The following SESN1 variants were observed in gnomAD, a reference collection of about 807,000 sequenced individuals.
SESN1 encodes sestrin-1.
In SESN1, 30 loss-of-function variants were observed where a neutral mutation model predicts 59.3. The ratio of observed to expected loss-of-function variants is 0.51; its 90% confidence interval spans 0.38 to 0.69. SESN1 has a LOEUF of 0.69. Among genes scored for constraint, SESN1 ranks in the 30% least tolerant of loss-of-function variants. The pLI, the probability that SESN1 is intolerant of heterozygous loss-of-function variation, is 0.00. For synonymous variants in SESN1, 197 were observed against 219.9 expected (o/e 0.90, Z 0.92); for missense variants, 566 against 673.0 (o/e 0.84, Z 1.76).
chr6:109,047,312 G>C, intron 1 of SESN1, among the ~76,000 whole-genome samples: 1 of 126,402 alleles, frequency 7.9e-6, no homozygotes, highest in Non-Finnish European at 1.7e-5. Flanking sequence ...GAGCCCCTCT[G>C]CCCGGCCAGC....
At chr6:109,083,840 T>G (rs968044171) in intron 1 of SESN1, among the ~76,000 whole-genome samples, 4 of 152,222 alleles carry the variant, frequency 2.6e-5, no homozygotes, top group African/African-American at 9.6e-5. Flanking sequence ...AATGTCTTGC[T>G]GTGTTTAGGC....
At chr6:109,046,437 C>A (rs2114428761) in intron 1 of SESN1, among the ~76,000 whole-genome samples, 1 of 150,262 alleles carries the variant, frequency 6.7e-6, no homozygotes, top group South Asian at 2.1e-4. Context: ...TCACTACAAC[C>A]TACACCTCCC....
chr6:109,090,162 C>T (rs1781287694), intron 1 of SESN1, among the ~76,000 whole-genome samples: 1 of 152,184 alleles, frequency 6.6e-6, no homozygotes, highest in Non-Finnish European at 1.5e-5. Flanking sequence ...CTCACAGCAA[C>T]ATTGTGAGGC....
chr6:108,987,772 G>T, intron 9 of SESN1, 142 bp from the exon 10 acceptor site: 3 of 424,240 alleles, frequency 7.1e-6, no homozygotes, highest in Non-Finnish European at 8.4e-6. Flanking sequence ...TGGGTTTGTT[G>T]AACAGATTAT....
At chr6:109,051,778 A>G (rs551632552) in intron 1 of SESN1, among the ~76,000 whole-genome samples, 20 of 152,330 alleles carry the variant, frequency 1.3e-4, no homozygotes, top group African/African-American at 4.6e-4. Flanking sequence ...TGGAAAGTCC[A>G]GGGTCAAGAT....
At chr6:109,002,369 A>G (rs1697008172) in intron 1 of SESN1, 26 bp from the exon 2 acceptor site, 1 of 1,594,508 alleles carries the variant, frequency 6.3e-7, no homozygotes, top group South Asian at 1.1e-5. Flanking sequence ...ACACCATCTC[A>G]GGCCTTTGGC....
intron 9 of SESN1, 77 bp from the exon 10 acceptor site, chr6:108,987,707 A>ACAT (rs1779237083): frequency 6.5e-6 from 5 of 770,206 alleles, no homozygotes; most frequent in Non-Finnish European, 1.1e-5. Flanking sequence ...TCTAATGAAC[A>ACAT]CATAAAATAA....
At chr6:109,040,402 T>C (rs1780319186) in intron 1 of SESN1, among the ~76,000 whole-genome samples, 1 of 152,192 alleles carries the variant, frequency 6.6e-6, no homozygotes, top group African/African-American at 2.4e-5. Flanking sequence ...ATTTATTGTT[T>C]TGGACTTCTG....
chr6:109,094,623 C>G lies in SESN1; in HGVS notation c.-550G>C, dbSNP rs913842193. The G allele has an allele frequency of 1.3e-5, 2 of 152,348 alleles. No homozygotes were observed. The highest frequency in any genetic ancestry group is 2.9e-5 in the Non-Finnish European group (2 of 68,124). 9.4% of individuals were successfully genotyped at this position (152,348 alleles called of 1,614,324 possible). ...GGAAGGCTCGCCGAACCCTGGCCCA[C>G]TGGCCGCAGCGGCCGGAGGCTTGGG... On this transcript the variant is annotated 5_prime_UTR_variant, in exon 1 of 10. Transcript: ENST00000436639.
chr6:108,994,698 C>CTTTTTTTTTTTTTTTTTTTTT (rs11395949), intron 5 of SESN1, 89 bp from the exon 6 acceptor site: 1 of 274,832 alleles, frequency 3.6e-6, no homozygotes, highest in African/African-American at 2.9e-5. Flanking sequence ...GAATTTATAT[C>CTTTTTTTTTTTTTTTTTTTTT]TTTTTTTTTT....
intron 1 of SESN1, among the ~76,000 whole-genome samples, chr6:109,010,306 C>A (rs67804469): frequency 0.046 from 7,066 of 152,260 alleles, 304 homozygotes; most frequent in African/African-American, 0.11. Context: ...GGGCCCAGAA[C>A]CCAGATCCCT....
intron 1 of SESN1, among the ~76,000 whole-genome samples, chr6:109,030,232 A>T (rs1219705351): frequency 6.6e-6 from 1 of 152,192 alleles, no homozygotes; most frequent in Admixed American, 6.5e-5. Context: ...GGACCCCCCG[A>T]TCTAAGAATC....
intron 1 of SESN1, chr6:109,009,446 G>C: frequency 7.4e-7 from 1 of 1,359,626 alleles, no homozygotes; most frequent in East Asian, 3.1e-5. Context: ...CGTTCGCGGC[G>C]GCGGCCAAGC....
rs768593614 is a variant in SESN1, at chr6:109,093,892, C to G, written c.182G>C (p.Gly61Ala). The change falls in exon 1 of 10, where the codon GGG becomes GCG. Residue 61 changes from glycine to alanine, a missense_variant. Gly to Ala is a moderately conservative substitution (Grantham distance 60). Transcript: ENST00000436639. ...DGLSNTESSD[G>A]LNKLLAHLLM... ...CAGATGAGCAAGTAGCTTATTCAAC[C>G]CATCCGAAGACTCGGTATTTGAAAG... 8.7e-6 allele frequency: 14 copies of G among 1,614,076 alleles called. No individual in the cohort carries two copies. The highest frequency in any genetic ancestry group is 3.3e-4 in the Middle Eastern group (2 of 6,084).
At position 109,005,707 on chromosome 6, in the gene SESN1, C is replaced by T. The variant is rs144358749; in HGVS notation, c.280-3364G>A. On this transcript the variant is annotated intron_variant, in intron 1 of 9. Transcript: ENST00000436639. ...TGGGCATATTAATAACACTGTCTCC[C>T]CTCTTCCTTAGCCTCCAAATTGAAG... Among the ~76,000 whole-genome samples, 934 of 152,244 alleles carry T rather than the reference C, an allele frequency of 6.1e-3. 11 individuals carry two copies. The highest frequency in any genetic ancestry group is 0.021 in the African/African-American group (872 of 41,538).
At chr6:109,069,731 T>A (rs772638868) in intron 1 of SESN1, among the ~76,000 whole-genome samples, 1 of 148,816 alleles carries the variant, frequency 6.7e-6, no homozygotes, top group African/African-American at 2.6e-5. Flanking sequence ...ATTTTTTTGT[T>A]GAGATGGTGG....
At position 109,068,721 on chromosome 6, in the gene SESN1, C is replaced by CTTT. The variant is rs752278370; in HGVS notation, c.279+25071_279+25073dup. Among the ~76,000 whole-genome samples the CTTT allele has an allele frequency of 2.0e-3, 267 of 133,492 alleles. 5 individuals carry two copies. The highest frequency in any genetic ancestry group is 6.8e-3 in the African/African-American group (246 of 36,352). The allele number at this position is 133,492 out of a possible 152,430, so 87.6% of individuals were successfully genotyped here. On this transcript the variant is annotated intron_variant, in intron 1 of 9. Coordinates refer to ENST00000436639, the MANE Select transcript of SESN1 (RefSeq NM_014454.3). The stretch of plus-strand genomic sequence containing the variant: ...ACATACACCAGTGAAATTTCCTGGG[C>CTTT]TTTTTTTTTTTTTTTTGAGGCAGAG...
chr6:108,988,725 T>C (rs1442742910), intron 8 of SESN1, 38 bp from the exon 9 acceptor site: 1 of 1,505,802 alleles, frequency 6.6e-7, no homozygotes, highest in African/African-American at 1.4e-5. Context: ...ATATTTTCAG[T>C]GTATAACCTG....
chr6:109,006,882 T>C (rs1301271557), intron 1 of SESN1, among the ~76,000 whole-genome samples: 1 of 152,208 alleles, frequency 6.6e-6, no homozygotes, highest in African/African-American at 2.4e-5. Context: ...ATTCAATTAT[T>C]CCTTCATCTG....
Sources: allele counts gnomAD v4.1 joint callset (sites outside exome capture counted in the v4.1 genomes callset), GRCh38; gene constraint gnomAD v4.1.1; transcripts MANE v1.5; gene names NCBI Gene and HGNC (gene_info 2026-07-23, HGNC 2026-07-21).